The following ADAM17 variants were observed in gnomAD, a reference collection of about 807,000 sequenced individuals.
The protein encoded by ADAM17 is disintegrin and metalloproteinase domain-containing protein 17.
Under a neutral mutation model 96.7 loss-of-function variants are expected in ADAM17, and 39 were observed. The observed-to-expected ratio is 0.40, with a 90% CI of 0.31 to 0.53. The LOEUF is 0.53. Among genes scored for constraint, ADAM17 ranks in the 20% least tolerant of loss-of-function variants. The pLI, the probability that ADAM17 is intolerant of heterozygous loss-of-function variation, is 0.44. For synonymous variants in ADAM17, 344 were observed against 359.2 expected (o/e 0.96, Z 0.48); for missense variants, 777 against 1,013.2 (o/e 0.77, Z 3.17).
intron 10 of ADAM17, among the ~76,000 whole-genome samples, chr2:9,511,285 C>T (rs906716210): frequency 6.6e-6 from 1 of 152,056 alleles, no homozygotes; most frequent in Admixed American, 6.6e-5. Flanking sequence ...CCCATCTCTA[C>T]TAAAAATACA....
intron 1 of ADAM17, among the ~76,000 whole-genome samples, chr2:9,551,832 T>G (rs1665599889): frequency 6.6e-6 from 1 of 152,144 alleles, no homozygotes; most frequent in Admixed American, 6.5e-5. Context: ...AAAGCAAAGG[T>G]GTCACTGTCT....
chr2:9,489,850 T>TATC lies in ADAM17; in HGVS notation c.*324_*326dup, dbSNP rs1661962787. On this transcript the variant is annotated 3_prime_UTR_variant, in exon 19 of 19. Transcript: ENST00000310823. ...TGATCATTTCCCTAGTCAGTGCTGT[T>TATC]ATCAATATAAAAGATTAATTTACAA... 1.5e-5 allele frequency: 3 copies of TATC among 205,722 alleles called. No homozygotes were observed. The highest frequency in any genetic ancestry group is 1.0e-4 in the Admixed American group (2 of 19,442). The allele number at this position is 205,722 out of a possible 1,614,324, so 12.7% of individuals were successfully genotyped here.
rs540596380 is a variant in ADAM17 at position 9,503,770 on chromosome 2, G to A, written c.1544+1396C>T. Among the ~76,000 whole-genome samples the A allele has an allele frequency of 4.6e-5, 7 of 151,430 alleles. No homozygotes were observed. The South Asian group carries it at 6.3e-4, about 14-fold the overall frequency. Reference sequence around the variant, plus strand: ...GGGGAATGGCTTGAACCCAGGAGGCGGAGGTTGCAGTGAGCCAAGATCACG... The same window carrying A: ...GGGGAATGGCTTGAACCCAGGAGGCAGAGGTTGCAGTGAGCCAAGATCACG... On this transcript the variant is annotated intron_variant, in intron 12 of 18. Coordinates refer to ENST00000310823, the MANE Select transcript of ADAM17 (RefSeq NM_003183.6).
intron 2 of ADAM17, among the ~76,000 whole-genome samples, chr2:9,539,177 G>C (rs1246391052): frequency 1.3e-5 from 2 of 150,396 alleles, no homozygotes; most frequent in Admixed American, 6.6e-5. Context: ...GCGCAATCTC[G>C]GCTAACTGCA....
chr2:9,509,630 AAATG>A (rs1483482828), intron 11 of ADAM17, among the ~76,000 whole-genome samples: 1 of 152,248 alleles, frequency 6.6e-6, no homozygotes, highest in African/African-American at 2.4e-5. Context: ...TGTAGAGTTA[AAATG>A]AATGACAACT....
chr2:9,555,588 T>G lies in ADAM17; in HGVS notation c.18A>C (p.Leu6=). 1.3e-6 allele frequency: 2 copies of G among 1,590,674 alleles called. No homozygotes were observed. Among genetic ancestry groups the G allele is most frequent in the African/African-American group, 2.7e-5 (2 of 74,610 alleles). Residue 6 remains leucine, a synonymous_variant, in exon 1 of 19, where the codon CTA becomes CTC. Transcript: ENST00000310823. ...CGAAAGGAACCACGCTGGTCAGGAA[T>G]AGGAGAGACTGCCTCATGTTCCCGG... MRQSL[L]FLTSVVPFVL... is the part of the protein sequence containing the mutation.
chr2:9,520,988 G>GAAAAAA lies in ADAM17; in HGVS notation c.957+214_957+215insTTTTTT, dbSNP rs1234369493. Among the ~76,000 whole-genome samples, 166 of 112,090 alleles carry GAAAAAA rather than the reference G, an allele frequency of 1.5e-3. 11 individuals are homozygous for GAAAAAA. The highest frequency in any genetic ancestry group is 4.1e-3 in the African/African-American group (126 of 30,400). 73.5% of individuals were successfully genotyped at this position (112,090 alleles called of 152,430 possible). ...TCAAAAAAAAAAAAAAAAAAAAAAG[G>GAAAAAA]AAGCATTGCTTTATAGCGTTTTTCT... On this transcript the variant is annotated intron_variant, in intron 8 of 18. Transcript: ENST00000310823.
Position 9,517,986 on chromosome 2 carries a change from T to G in ADAM17, c.1106A>C (p.Tyr369Ser), listed in dbSNP as rs752542509. The G allele has an allele frequency of 3.8e-6, 6 of 1,596,460 alleles. No homozygotes were observed. Among genetic ancestry groups the G allele is most frequent in the Middle Eastern group, 1.7e-4 (1 of 5,968 alleles). The change falls in exon 10 of 19, where the codon TAT becomes TCT. Residue 369 changes from tyrosine to serine, a missense_variant. This residue lies in a region of ADAM17 where 446 missense variants were observed against 664.7 expected (regional missense o/e 0.67). Transcript: ENST00000310823. ...NSHGGVCPKA[Y>S]YSPVGKKNIY... ...ATTTTTCTTCCCAACTGGGCTATAATAAGCTAAAGTCAAAAGGAAACAGAG... is the reference window on the plus strand; with the variant it reads ...ATTTTTCTTCCCAACTGGGCTATAAGAAGCTAAAGTCAAAAGGAAACAGAG...
intron 6 of ADAM17, among the ~76,000 whole-genome samples, chr2:9,525,112 G>A (rs1664463399): frequency 6.6e-6 from 1 of 152,020 alleles, no homozygotes; most frequent in Non-Finnish European, 1.5e-5. Flanking sequence ...AAGAATCACA[G>A]TGACTCTTAC....
chr2:9,492,536 G>A (rs1308383474), intron 17 of ADAM17, among the ~76,000 whole-genome samples: 3 of 152,144 alleles, frequency 2.0e-5, no homozygotes, highest in African/African-American at 7.2e-5. Flanking sequence ...CATCTGAAAT[G>A]CCGATGTTTG....
intron 2 of ADAM17, among the ~76,000 whole-genome samples, chr2:9,538,016 A>AAGGAGAGGG (rs1665055399): frequency 3.1e-5 from 1 of 31,850 alleles, no homozygotes; most frequent in African/African-American, 1.4e-4. Flanking sequence ...GGAGGGGAGG[A>AAGGAGAGGG]GAGGGGAGGG....
At position 9,489,108 on chromosome 2, in the gene ADAM17, A is replaced by C. The variant is rs1001631783; in HGVS notation, c.*1069T>G. The C allele has an allele frequency of 6.6e-6, 1 of 152,106 alleles. No individual in the cohort carries two copies. Among genetic ancestry groups the C allele is most frequent in the Non-Finnish European group, 1.5e-5 (1 of 68,022 alleles). The allele number at this position is 152,106 out of a possible 1,614,324, so 9.4% of individuals were successfully genotyped here. Reference sequence around the variant, plus strand: ...ACAGCCCCCAACCCTAAGGGCAGGTAGTATTCTATCTCCTGGCTGGCTCAT... The same window carrying C: ...ACAGCCCCCAACCCTAAGGGCAGGTCGTATTCTATCTCCTGGCTGGCTCAT... On this transcript the variant is annotated 3_prime_UTR_variant, in exon 19 of 19. Transcript: ENST00000310823.
chr2:9,545,546 G>A (rs903404989), intron 1 of ADAM17, among the ~76,000 whole-genome samples: 4 of 152,002 alleles, frequency 2.6e-5, no homozygotes, highest in Non-Finnish European at 5.9e-5. Context: ...CTCCAGCCTG[G>A]GCAACAAGGC....
chr2:9,490,174 A>AAATT lies in ADAM17; in HGVS notation c.2474_*2dup. 1 of 1,589,240 alleles carries AAATT rather than the reference A, an allele frequency of 6.3e-7. No individual in the cohort carries two copies. Among genetic ancestry groups the AAATT allele is most frequent in the Non-Finnish European group, 8.6e-7 (1 of 1,160,398 alleles). On this transcript the variant is annotated 3_prime_UTR_variant, in exon 19 of 19. Transcript: ENST00000310823. ...ACTTAAGTCAGAAGAGCTGAGAACT[A>AAATT]AATTAGCACTCTGTTTCTTTGCTGT...
chr2:9,499,113 C>T (rs66755784), intron 13 of ADAM17, among the ~76,000 whole-genome samples: 47 of 47,478 alleles, frequency 9.9e-4, no homozygotes, highest in Non-Finnish European at 1.7e-3. Context: ...CTTTCTTCTT[C>T]TTTTTTTTTT....
intron 2 of ADAM17, among the ~76,000 whole-genome samples, chr2:9,542,728 T>C (rs1665257722): frequency 6.6e-6 from 1 of 152,360 alleles, no homozygotes; most frequent in South Asian, 2.1e-4. Flanking sequence ...AGACAGAGTC[T>C]CACTCTGTTG....
At chr2:9,551,252 G>A (rs927810458) in intron 1 of ADAM17, among the ~76,000 whole-genome samples, 1 of 151,324 alleles carries the variant, frequency 6.6e-6, no homozygotes, top group African/African-American at 2.4e-5. Flanking sequence ...AAAAAAAAAA[G>A]GAAGGGGGGG....
At chr2:9,493,616 C>T in intron 16 of ADAM17, 131 bp downstream of exon 16, 1 of 722,134 alleles carries the variant, frequency 1.4e-6, no homozygotes, top group East Asian at 2.9e-5. Context: ...AAAGTTGTTT[C>T]ATAACTAAAG....
chr2:9,499,956 C>A (rs2124985232), intron 13 of ADAM17, among the ~76,000 whole-genome samples: 1 of 152,294 alleles, frequency 6.6e-6, no homozygotes, highest in Admixed American at 6.5e-5. Context: ...TACAATGCTG[C>A]TGAGACTGTA....
Sources: gnomAD v4.1 joint callset for allele counts (sites outside exome capture counted in the v4.1 genomes callset) on GRCh38, gnomAD v4.1.1 for gene constraint, gnomAD v4.1.1 regional missense constraint, MANE v1.5 for transcripts, NCBI Gene and HGNC (gene_info 2026-07-23, HGNC 2026-07-21) for gene names.